The following KCNJ5 variants were observed in gnomAD, a reference collection of about 807,000 sequenced individuals.
KCNJ5 encodes potassium inwardly rectifying channel subfamily J member 5, also known as G protein-activated inward rectifier potassium channel 4.
A neutral mutation model predicts 20.2 loss-of-function variants in KCNJ5; 12 were observed. The ratio of observed to expected loss-of-function variants is 0.59; its 90% confidence interval spans 0.38 to 0.96. The LOEUF is 0.96. Among genes scored for constraint, KCNJ5 ranks in the 40% least tolerant of loss-of-function variants. KCNJ5 has a pLI of 0.00. For synonymous variants in KCNJ5, 210 were observed against 213.9 expected (o/e 0.98, Z 0.16); for missense variants, 449 against 557.6 (o/e 0.81, Z 1.96).
In KCNJ5 at chr11:128,917,014, G is replaced by T; in HGVS notation, c.*283G>T. 2.6e-6 allele frequency: 1 copy of T among 391,394 alleles called. No homozygotes were observed. The highest frequency in any genetic ancestry group is 4.6e-6 in the Non-Finnish European group (1 of 216,262). The allele number at this position is 391,394 out of a possible 1,614,324, so 24.2% of individuals were successfully genotyped here. On this transcript the variant is annotated 3_prime_UTR_variant, in exon 3 of 3. Transcript: ENST00000529694. ...TTCCCCATGGTGAATGTTACCGGAT[G>T]GCATCTGTTCTCTCCATGCCCTGGG... is the stretch of plus-strand genomic sequence containing the variant.
chr11:128,902,471 G>T, intron 1 of KCNJ5: 3 of 1,524,052 alleles, frequency 2.0e-6, no homozygotes, highest in East Asian at 2.4e-5. Context: ...GAGGAACCCC[G>T]CACTTTAAGG....
At chr11:128,900,113 T>G (rs1944248842) in intron 1 of KCNJ5, 1 of 152,196 alleles carries the variant, frequency 6.6e-6, no homozygotes. Context: ...CTTTAAAAAA[T>G]TGCTGAATAT....
Position 128,916,445 on chromosome 11 carries a change from C to G in KCNJ5, c.974C>G (p.Thr325Arg), listed in dbSNP as rs779864342. Residue 325 changes from threonine to arginine, a missense_variant, in exon 3 of 3, where the codon ACA (threonine) becomes AGA (arginine). This residue lies in a region of KCNJ5 where 145 missense variants were observed against 166.2 expected (regional missense o/e 0.87). Coordinates refer to ENST00000529694, the MANE Select transcript of KCNJ5 (RefSeq NM_000890.5). ...TCQARSSYMDTEVLWGHRFTP... is the reference protein window; with the variant it reads ...TCQARSSYMDREVLWGHRFTP... ...CAAGCCCGGAGCTCCTACATGGATA[C>G]AGAGGTGCTCTGGGGCCACCGATTC... 1 of 1,614,184 alleles carries G rather than the reference C, an allele frequency of 6.2e-7. No individual in the cohort carries two copies. Among genetic ancestry groups the G allele is most frequent in the Non-Finnish European group, 8.5e-7 (1 of 1,180,022 alleles).
intron 1 of KCNJ5, among the ~76,000 whole-genome samples, chr11:128,905,380 C>A (rs1182956869): frequency 6.6e-6 from 1 of 152,236 alleles, no homozygotes; most frequent in African/African-American, 2.4e-5. Context: ...GGGGCTTCGT[C>A]CCCTGCGGGG....
chr11:128,899,230 G>T (rs1030928128), intron 1 of KCNJ5, among the ~76,000 whole-genome samples: 2 of 152,200 alleles, frequency 1.3e-5, no homozygotes, highest in African/African-American at 4.8e-5. Context: ...ATAAAATGGG[G>T]AGAACAGTAT....
Position 128,891,482 on chromosome 11 carries a change from C to T in KCNJ5, c.-250C>T, listed in dbSNP as rs1474675011. The stretch of plus-strand genomic sequence containing the variant: ...GAGAGAGAGAGAGAGAGAGATTGTT[C>T]CAGCTGCTCTCGCTAGAGAAAGGGA... On this transcript the variant is annotated 5_prime_UTR_variant, in exon 1 of 3. Transcript: ENST00000529694. The T allele has an allele frequency of 1.3e-5, 1 of 76,164 alleles. No individual in the cohort carries two copies. The highest frequency in any genetic ancestry group is 2.8e-5 in the Non-Finnish European group (1 of 36,160). The allele number at this position is 76,164 out of a possible 1,614,324, so 4.7% of individuals were successfully genotyped here. A position where few individuals can be genotyped will look rare whatever the true frequency, so the allele number is the denominator to read the frequency against.
rs963830266 is a variant in KCNJ5, at chr11:128,894,082, T to C, written c.-11+2361T>C. ...GAATGCCCATTCTCTGGTTTCCATT[T>C]CCCCTTCAAATGACCTGATTCTTCC... On this transcript the variant is annotated intron_variant, in intron 1 of 2. Coordinates refer to ENST00000529694, the MANE Select transcript of KCNJ5 (RefSeq NM_000890.5). Among the ~76,000 whole-genome samples the C allele has an allele frequency of 2.2e-4, 33 of 152,102 alleles. 1 individual carries two copies. Among genetic ancestry groups the C allele is most frequent in the African/African-American group, 7.5e-4 (31 of 41,420 alleles).
intron 1 of KCNJ5, chr11:128,902,190 C>T (rs1255018677): frequency 6.3e-5 from 16 of 253,734 alleles, no homozygotes; most frequent in Non-Finnish European, 1.1e-4. Context: ...TTCCACTCAT[C>T]TCGCACACCT....
In KCNJ5 at chr11:128,911,894, C is replaced by T. The variant is rs1254491348; in HGVS notation, c.621C>T (p.Val207=). Residue 207 remains valine, a synonymous_variant, in exon 2 of 3, where the codon GTC becomes GTT. Coordinates refer to ENST00000529694, the MANE Select transcript of KCNJ5 (RefSeq NM_000890.5). This position sits in a 1 kb window ranked among gnomAD's most constrained non-coding sequence, Gnocchi z 6.3. Reference sequence around the variant, plus strand: ...CCCTCATGTTTTCCAACAACGCAGTCATCTCCATGCGGGACGAGAAGCTGT... The same window carrying T: ...CCCTCATGTTTTCCAACAACGCAGTTATCTCCATGCGGGACGAGAAGCTGT... The part of the protein sequence containing the change: ...AETLMFSNNA[V]ISMRDEKLCL... 3 of 1,608,720 alleles carry T rather than the reference C, an allele frequency of 1.9e-6. No individual in the cohort carries two copies. The highest frequency in any genetic ancestry group is 3.3e-4 in the Middle Eastern group (2 of 6,046).
chr11:128,900,334 T>G (rs1007531802), intron 1 of KCNJ5: 8 of 152,244 alleles, frequency 5.3e-5, no homozygotes, highest in African/African-American at 1.9e-4. Context: ...TTTGTGTTTA[T>G]GGTGACCTCT....
In KCNJ5 at chr11:128,918,174, C is replaced by G. The variant is rs12418280; in HGVS notation, c.*1443C>G. 2,803 of 152,342 alleles carry G rather than the reference C, an allele frequency of 0.018. 43 individuals are homozygous for G. The highest frequency in any genetic ancestry group is 0.027 in the Non-Finnish European group (1,850 of 68,066). 9.4% of individuals were successfully genotyped at this position (152,342 alleles called of 1,614,324 possible). A position where few individuals can be genotyped will look rare whatever the true frequency, so the allele number is the denominator to read the frequency against. On this transcript the variant is annotated 3_prime_UTR_variant, in exon 3 of 3. Coordinates refer to ENST00000529694, the MANE Select transcript of KCNJ5 (RefSeq NM_000890.5). The stretch of plus-strand genomic sequence containing the variant: ...AAGCTCCCAGCCCACTGCTGAAAAG[C>G]CCCTGGGCCTCCCTCCACAGGCAGA...
intron 2 of KCNJ5, among the ~76,000 whole-genome samples, chr11:128,914,184 C>T (rs1208146892): frequency 2.0e-5 from 3 of 152,214 alleles, no homozygotes; most frequent in Admixed American, 6.5e-5. Flanking sequence ...GGGAAGAACT[C>T]CACTCTGAAG....
intron 1 of KCNJ5, among the ~76,000 whole-genome samples, chr11:128,892,741 T>C (rs1565541097): frequency 6.6e-6 from 1 of 152,188 alleles, no homozygotes; most frequent in Non-Finnish European, 1.5e-5. Flanking sequence ...AAAAGCCATA[T>C]GGTTTATCGG....
In KCNJ5 at chr11:128,912,028, T is replaced by C; in HGVS notation, c.755T>C (p.Leu252Pro). The C allele has an allele frequency of 6.2e-7, 1 of 1,613,296 alleles. No homozygotes were observed. Among genetic ancestry groups the C allele is most frequent in the Non-Finnish European group, 8.5e-7 (1 of 1,179,328 alleles). ...ACCAAAGAGGGGGAGTTCATCCCCC[T>C]GAACCAGACAGACATCAACGTGGGC... is the stretch of plus-strand genomic sequence containing the variant. ...RQTKEGEFIP[L>P]NQTDINVGFD... Residue 252 changes from leucine to proline, a missense_variant, in exon 2 of 3, where the codon CTG becomes CCG. Leu to Pro is a moderately conservative substitution (Grantham distance 98). This residue lies in a region of KCNJ5 where 145 missense variants were observed against 166.2 expected (regional missense o/e 0.87). Transcript: ENST00000529694.
chr11:128,916,333 G>GATGGATGA (rs1240984003), intron 2 of KCNJ5, 76 bp from the exon 3 acceptor site: 8 of 1,109,894 alleles, frequency 7.2e-6, no homozygotes, highest in Admixed American at 1.7e-5. Flanking sequence ...TGGATGGATT[G>GATGGATGA]ATGGATGAAT....
chr11:128,899,387 C>T (rs923128756), intron 1 of KCNJ5, among the ~76,000 whole-genome samples: 4 of 152,214 alleles, frequency 2.6e-5, no homozygotes, highest in Non-Finnish European at 4.4e-5. Flanking sequence ...CTCTTTCTCA[C>T]ATTTACCATC....
intron 2 of KCNJ5, 21 bp from the exon 3 acceptor site, chr11:128,916,388 A>G: frequency 6.3e-7 from 1 of 1,579,960 alleles, no homozygotes; most frequent in Non-Finnish European, 8.7e-7. Flanking sequence ...ATCATAATGC[A>G]TGTAACTTCC....
At chr11:128,907,887 G>A (rs1944446616) in intron 1 of KCNJ5, among the ~76,000 whole-genome samples, 1 of 152,212 alleles carries the variant, frequency 6.6e-6, no homozygotes, top group South Asian at 2.1e-4. Context: ...ACAGGGGTTT[G>A]GCTATAGTAG....
intron 1 of KCNJ5, chr11:128,904,300 C>T: frequency 7.2e-7 from 1 of 1,381,552 alleles, no homozygotes; most frequent in Non-Finnish European, 9.8e-7. Context: ...CCCAGACAAG[C>T]CAAATTCAGG....
Sources: gnomAD v4.1 joint callset for allele counts (sites outside exome capture counted in the v4.1 genomes callset) on GRCh38, gnomAD v4.1.1 for gene constraint, gnomAD v4.1.1 regional missense constraint, Gnocchi (gnomAD v3.1) non-coding constraint, MANE v1.5 for transcripts, NCBI Gene and HGNC (gene_info 2026-07-23, HGNC 2026-07-21) for gene names.